Variants in FRRS1 observed in about 807,000 individuals in gnomAD.
FRRS1 encodes ferric chelate reductase 1.
Under a neutral mutation model 70.7 loss-of-function variants are expected in FRRS1, and 51 were observed. That is an observed-to-expected ratio of 0.72 (90% CI 0.58 to 0.91). FRRS1 has a LOEUF of 0.91. FRRS1 is among the 40% of genes least tolerant of loss of function. FRRS1 has a pLI of 0.00. For missense variants in FRRS1, 672 were observed against 726.0 expected (o/e 0.93, Z 0.86); for synonymous variants, 225 against 238.7 (o/e 0.94, Z 0.53).
chr1:99,717,635 G>C (rs1470051844), intron 10 of FRRS1, 110 bp from the exon 11 acceptor site: 1 of 714,726 alleles, frequency 1.4e-6, no homozygotes, highest in Non-Finnish European at 2.5e-6. Flanking sequence ...AATACATTCA[G>C]CTGACATAAG....
intron 5 of FRRS1, among the ~76,000 whole-genome samples, chr1:99,741,320 G>A (rs1028576079): frequency 6.6e-6 from 1 of 152,220 alleles, no homozygotes; most frequent in Non-Finnish European, 1.5e-5. Flanking sequence ...AGCAACAACA[G>A]CAACAAGCTA....
Position 99,748,991 on chromosome 1 carries a change from C to T in FRRS1, c.-95G>A. 1 of 414,042 alleles carries T rather than the reference C, an allele frequency of 2.4e-6. No individual in the cohort carries two copies. The highest frequency in any genetic ancestry group is 4.7e-5 in the South Asian group (1 of 21,452). 25.6% of individuals were successfully genotyped at this position (414,042 alleles called of 1,614,324 possible). A position where few individuals can be genotyped will look rare whatever the true frequency, so the allele number is the denominator to read the frequency against. On this transcript the variant is annotated 5_prime_UTR_variant, in exon 2 of 17. Coordinates refer to ENST00000646001, the MANE Select transcript of FRRS1 (RefSeq NM_001361041.2). ...ACTTTGGGCAAATCATTTAATCCTC[C>T]ACTTCCTTACCTGAAAAATAAGGAA...
chr1:99,754,311 A>G (rs2100993463), intron 1 of FRRS1, among the ~76,000 whole-genome samples: 1 of 152,288 alleles, frequency 6.6e-6, no homozygotes, highest in East Asian at 1.9e-4. Flanking sequence ...AAACAAACAA[A>G]AAATAAGTAA....
intron 7 of FRRS1, 113 bp downstream of exon 7, chr1:99,737,973 C>A (rs894662459): frequency 6.2e-6 from 5 of 809,056 alleles, no homozygotes; most frequent in South Asian, 1.9e-5. Flanking sequence ...GAACTCCCGA[C>A]CTCGTGATCC....
At chr1:99,761,526 C>T (rs1318504422) in intron 1 of FRRS1, among the ~76,000 whole-genome samples, 1 of 152,168 alleles carries the variant, frequency 6.6e-6, no homozygotes, top group Non-Finnish European at 1.5e-5. Context: ...CCATGTAGCC[C>T]TCACAATAAT....
intron 10 of FRRS1, among the ~76,000 whole-genome samples, chr1:99,718,424 G>T (rs1463884553): frequency 6.6e-6 from 1 of 152,110 alleles, no homozygotes; most frequent in African/African-American, 2.4e-5. Context: ...CACCTTCTGG[G>T]TTCAAGAAAT....
At chr1:99,763,853 A>G (rs1273294240) in intron 1 of FRRS1, among the ~76,000 whole-genome samples, 1 of 143,074 alleles carries the variant, frequency 7.0e-6, no homozygotes, top group Non-Finnish European at 1.5e-5. Flanking sequence ...GGGCAACAAG[A>G]GTGAAACTCT....
At chr1:99,752,057 G>C (rs1656595738) in intron 1 of FRRS1, among the ~76,000 whole-genome samples, 1 of 152,124 alleles carries the variant, frequency 6.6e-6, no homozygotes, top group Admixed American at 6.5e-5. Context: ...ATTAAACAAA[G>C]GTAGGACCTT....
In FRRS1 at chr1:99,708,752, C is replaced by A. The variant is rs1654136983; in HGVS notation, c.*276G>T. 9.4e-6 allele frequency: 5 copies of A among 532,420 alleles called. No individual in the cohort carries two copies. The South Asian group carries it at 1.6e-4, about 17-fold the overall frequency. The allele number at this position is 532,420 out of a possible 1,614,324, so 33.0% of individuals were successfully genotyped here. On this transcript the variant is annotated 3_prime_UTR_variant, in exon 17 of 17. Transcript: ENST00000646001. ...TCTTAAATACCAACATTCTTAAAAT[C>A]TTGGCATGAAATATTTGAGAGTTAC...
At chr1:99,732,136 A>G (rs1241809455) in intron 7 of FRRS1, among the ~76,000 whole-genome samples, 3 of 152,254 alleles carry the variant, frequency 2.0e-5, no homozygotes, top group Non-Finnish European at 1.5e-5. Flanking sequence ...ATATTAGAGA[A>G]GATGATGGGG....
At chr1:99,749,483 G>A (rs1656464817) in intron 1 of FRRS1, among the ~76,000 whole-genome samples, 1 of 152,188 alleles carries the variant, frequency 6.6e-6, no homozygotes, top group South Asian at 2.1e-4. Context: ...GAACAAAGAA[G>A]AAATGTTTCT....
chr1:99,747,308 A>C lies in FRRS1; in HGVS notation c.319T>G (p.Cys107Gly), dbSNP rs1181670330. 6.2e-7 allele frequency: 1 copy of C among 1,613,030 alleles called. No individual in the cohort carries two copies. Among genetic ancestry groups the C allele is most frequent in the African/African-American group, 1.3e-5 (1 of 74,864 alleles). ...TAAACACAAACCTGTATATCTTCAC[A>C]GGTCAAAAGTTGTGACACTTCACTG... ...IDSEVSQLLTCEDIQGSAVSH... is the reference protein window; with the variant it reads ...IDSEVSQLLTGEDIQGSAVSH... Residue 107 changes from cysteine (C) to glycine (G), a missense_variant, in exon 4 of 17, where the codon TGT (cysteine) becomes GGT (glycine). Transcript: ENST00000646001.
At chr1:99,729,627 G>A (rs1427045992) in intron 8 of FRRS1, 23 bp downstream of exon 8, 2 of 1,485,472 alleles carry the variant, frequency 1.3e-6, no homozygotes, top group African/African-American at 2.8e-5. Context: ...CCAGGTGGAG[G>A]TTCTCAGAAT....
At chr1:99,742,861 G>A (rs1255699006) in intron 4 of FRRS1, among the ~76,000 whole-genome samples, 2 of 152,176 alleles carry the variant, frequency 1.3e-5, no homozygotes, top group African/African-American at 2.4e-5. Flanking sequence ...GTTATCACAC[G>A]GTTCTACTTA....
At chr1:99,747,567 AAAG>A in intron 3 of FRRS1, 137 bp from the exon 4 acceptor site, 1 of 743,200 alleles carries the variant, frequency 1.3e-6, no homozygotes, top group Non-Finnish European at 2.1e-6. Context: ...TCTTATAGGC[AAAG>A]AAGCTCTAAA....
Position 99,709,028 on chromosome 1 carries a change from T to C in FRRS1, c.1779A>G (p.Ter593TrpextTer21). 1.2e-6 allele frequency: 2 copies of C among 1,613,914 alleles called. No individual in the cohort carries two copies. ...IIFLSAINHL* is the reference protein window; with the variant it reads ...IIFLSAINHLW ...TGCAAAAGCCAAGGTCTTTGCTTGC[T>C]CATAGATGGTTGATTGCAGATAAAA... The change falls in exon 17 of 17, where the codon TGA (stop) becomes TGG (tryptophan). Residue 593 changes from the stop codon to tryptophan (W), a stop_lost. Transcript: ENST00000646001.
intron 4 of FRRS1, among the ~76,000 whole-genome samples, chr1:99,744,161 C>T (rs1656118746): frequency 6.6e-6 from 1 of 151,696 alleles, no homozygotes; most frequent in Admixed American, 6.6e-5. Context: ...TTGTGAAAGA[C>T]CTTTTCATCT....
At chr1:99,743,476 A>G (rs1367429584) in intron 4 of FRRS1, among the ~76,000 whole-genome samples, 1 of 152,246 alleles carries the variant, frequency 6.6e-6, no homozygotes, top group African/African-American at 2.4e-5. Context: ...TTAAAAAGTT[A>G]GGTATGCCTT....
chr1:99,726,518 A>T (rs1655086073), intron 9 of FRRS1, among the ~76,000 whole-genome samples: 2 of 152,170 alleles, frequency 1.3e-5, no homozygotes, highest in South Asian at 4.1e-4. Flanking sequence ...CAGTTTCCTT[A>T]TCTCTAAAAA....
Sources: allele counts gnomAD v4.1 joint callset (sites outside exome capture counted in the v4.1 genomes callset), GRCh38; gene constraint gnomAD v4.1.1; transcripts MANE v1.5; gene names NCBI Gene and HGNC (gene_info 2026-07-23, HGNC 2026-07-21).